Variants in MYO18A observed in about 807,000 individuals in gnomAD.
MYO18A encodes the protein unconventional myosin-XVIIIa.
In MYO18A, 78 loss-of-function variants were observed where a neutral mutation model predicts 235.8. The observed-to-expected ratio is 0.33, with a 90% CI of 0.28 to 0.40. MYO18A has a LOEUF of 0.40. Ranked by LOEUF, MYO18A falls within the 10% of genes least tolerant of loss-of-function variation. The pLI, the probability that MYO18A is intolerant of heterozygous loss-of-function variation, is 1.00. For missense variants in MYO18A, 2,215 were observed against 2,699.3 expected, an observed-to-expected ratio of 0.82 and a Z score of 3.98; for synonymous variants, 977 against 1,077.8, an observed-to-expected ratio of 0.91 and a Z score of 1.83.
chr17:29,084,916 A>C (rs1356667219), intron 40 of MYO18A, among the ~76,000 whole-genome samples: 1 of 152,188 alleles, frequency 6.6e-6, no homozygotes, highest in African/African-American at 2.4e-5. Context: ...GAAAGCGGGA[A>C]AAGAGAGGGC....
chr17:29,173,208 T>C (rs887731049), intron 1 of MYO18A, among the ~76,000 whole-genome samples: 3 of 151,868 alleles, frequency 2.0e-5, no homozygotes, highest in African/African-American at 7.3e-5. Context: ...TTCTCCTGCC[T>C]CAGCCTCCTG....
At chr17:29,077,040 C>T (rs1430259250) in intron 41 of MYO18A, 1 of 152,278 alleles carries the variant, frequency 6.6e-6, no homozygotes, top group African/African-American at 2.4e-5. Context: ...GCTAGGCAGA[C>T]ACCTGGATAA....
At chr17:29,171,175 C>T (rs1339081399) in intron 1 of MYO18A, among the ~76,000 whole-genome samples, 3 of 152,170 alleles carry the variant, frequency 2.0e-5, no homozygotes, top group East Asian at 1.9e-4. Context: ...TTCAGCCAGG[C>T]GCGTTGGCTC....
At chr17:29,138,144 T>C (rs1178268972) in intron 2 of MYO18A, among the ~76,000 whole-genome samples, 1 of 151,964 alleles carries the variant, frequency 6.6e-6, no homozygotes, top group Non-Finnish European at 1.5e-5. Flanking sequence ...CAAATGCTCC[T>C]GGGAGAATAA....
intron 2 of MYO18A, among the ~76,000 whole-genome samples, chr17:29,130,482 A>C (rs879807846): frequency 2.2e-4 from 9 of 41,842 alleles, no homozygotes; most frequent in Non-Finnish European, 4.2e-4. Flanking sequence ...TCCCACACAC[A>C]CACACACACA....
chr17:29,136,235 G>GAAA (rs1181249964), intron 2 of MYO18A, among the ~76,000 whole-genome samples: 1,161 of 105,016 alleles, frequency 0.011, 17 homozygotes, highest in African/African-American at 0.035. Flanking sequence ...CATCTCAAAA[G>GAAA]AAAAAAAAAA....
At chr17:29,107,241 C>T (rs1022733859) in intron 19 of MYO18A, 52 bp from the exon 20 acceptor site, 2 of 1,544,918 alleles carry the variant, frequency 1.3e-6, no homozygotes, top group Admixed American at 1.7e-5. Flanking sequence ...GCTCCCAGCA[C>T]ACCCCAGTAG....
chr17:29,158,785 T>A lies in MYO18A; in HGVS notation c.999+7157A>T, dbSNP rs925166283. On this transcript the variant is annotated intron_variant, in intron 2 of 41. Transcript: ENST00000527372. This position sits in a 1 kb window ranked among gnomAD's most constrained non-coding sequence, Gnocchi z 4.3. ...ATGCTGTAGAGATTTGCAGCATTTT[T>A]AAAATACTTGTGTTCCCACCCGCCA... Among the ~76,000 whole-genome samples, 11 of 152,192 alleles carry A rather than the reference T, an allele frequency of 7.2e-5. No individual in the cohort carries two copies. The highest frequency in any genetic ancestry group is 1.2e-4 in the Non-Finnish European group (8 of 68,026).
At chr17:29,170,790 G>A (rs908426176) in intron 1 of MYO18A, among the ~76,000 whole-genome samples, 3 of 152,126 alleles carry the variant, frequency 2.0e-5, no homozygotes, top group Non-Finnish European at 4.4e-5. Context: ...TAAGCATCCC[G>A]AAGGCAATGA....
chr17:29,172,853 T>C (rs911386387), intron 1 of MYO18A, among the ~76,000 whole-genome samples: 1 of 152,206 alleles, frequency 6.6e-6, no homozygotes, highest in Non-Finnish European at 1.5e-5. Flanking sequence ...CCAAGGATAC[T>C]ATGGACAGGC....
chr17:29,086,062 G>A (rs1418874432), intron 39 of MYO18A, among the ~76,000 whole-genome samples: 1 of 152,224 alleles, frequency 6.6e-6, no homozygotes, highest in Admixed American at 6.5e-5. Context: ...ACCATTCCCC[G>A]GGTGGGTTTT....
intron 1 of MYO18A, among the ~76,000 whole-genome samples, chr17:29,179,728 G>A (rs994429096): frequency 3.3e-5 from 5 of 152,314 alleles, no homozygotes; most frequent in African/African-American, 1.2e-4. Context: ...CCCAAGAGGA[G>A]GGGGCCCAGG....
chr17:29,130,529 A>AC (rs1567619186), intron 2 of MYO18A, among the ~76,000 whole-genome samples: 24 of 115,874 alleles, frequency 2.1e-4, no homozygotes, highest in Admixed American at 1.6e-3. Context: ...CACACACACA[A>AC]CCCTTTCAAA....
intron 2 of MYO18A, chr17:29,128,060 C>T: frequency 2.0e-6 from 2 of 1,016,646 alleles, no homozygotes; most frequent in East Asian, 2.2e-4. Context: ...GGGCTTCTCC[C>T]CCTTCCCAGA....
intron 2 of MYO18A, among the ~76,000 whole-genome samples, chr17:29,163,045 C>T (rs193115229): frequency 4.1e-4 from 63 of 152,340 alleles, no homozygotes; most frequent in African/African-American, 1.5e-3. Context: ...TCCCTCAGAG[C>T]TCCCTGGGGA....
chr17:29,073,983 A>C lies in MYO18A; in HGVS notation c.*787T>G. ...GGGTTTACCTTAAATAGGTCATTGC[A>C]CATAACACGCTGAGACAAAGAGGGT... On this transcript the variant is annotated 3_prime_UTR_variant, in exon 42 of 42. Coordinates refer to ENST00000527372, the MANE Select transcript of MYO18A (RefSeq NM_078471.4). 6.2e-7 allele frequency: 1 copy of C among 1,613,804 alleles called. No individual in the cohort carries two copies. Among genetic ancestry groups the C allele is most frequent in the Non-Finnish European group, 8.5e-7 (1 of 1,179,942 alleles).
chr17:29,163,024 G>A (rs1180835230), intron 2 of MYO18A, among the ~76,000 whole-genome samples: 1 of 152,236 alleles, frequency 6.6e-6, no homozygotes, highest in African/African-American at 2.4e-5. Flanking sequence ...GATAACAGAT[G>A]GCTAGTCAGC....
In MYO18A at chr17:29,117,702, C is replaced by T. The variant is rs1450089165; in HGVS notation, c.2038+343G>A. Among the ~76,000 whole-genome samples the T allele has an allele frequency of 1.3e-5, 2 of 152,126 alleles. No homozygotes were observed. Among genetic ancestry groups the T allele is most frequent in the African/African-American group, 2.4e-5 (1 of 41,434 alleles). On this transcript the variant is annotated intron_variant, in intron 10 of 41. Transcript: ENST00000527372. This position sits in a 1 kb window ranked among gnomAD's most constrained non-coding sequence, Gnocchi z 4.6. The stretch of plus-strand genomic sequence containing the variant: ...CAAGGTCAGTTACCCGCTTGCTCCT[C>T]GGGGGCCTCTGTCAGGAAGGGAACA...
At chr17:29,165,861 G>A (rs1598396340) in intron 2 of MYO18A, 81 bp downstream of exon 2, 1 of 1,336,976 alleles carries the variant, frequency 7.5e-7, no homozygotes, top group East Asian at 2.5e-5. Context: ...ACAGCTCTTG[G>A]GTACCCCGAT....
Sources: gnomAD v4.1 joint callset for allele counts (sites outside exome capture counted in the v4.1 genomes callset) on GRCh38, gnomAD v4.1.1 for gene constraint, Gnocchi (gnomAD v3.1) non-coding constraint, MANE v1.5 for transcripts, NCBI Gene and HGNC (gene_info 2026-07-23, HGNC 2026-07-21) for gene names.